Variants in PARD3B observed in about 807,000 individuals in gnomAD.
PARD3B encodes par-3 family cell polarity regulator beta, also known as partitioning defective 3 homolog B.
In PARD3B, 103 loss-of-function variants were observed where a neutral mutation model predicts 130.2. That is an observed-to-expected ratio of 0.79 (90% CI 0.67 to 0.93). The LOEUF is 0.93. Among genes scored for constraint, PARD3B ranks in the 40% least tolerant of loss-of-function variants. PARD3B has a pLI of 0.00. For synonymous variants in PARD3B, 583 were observed against 553.2 expected, an observed-to-expected ratio of 1.05 and a Z score of -0.76; for missense variants, 1,609 against 1,499.2, an observed-to-expected ratio of 1.07 and a Z score of -1.21.
Position 204,866,806 on chromosome 2 carries a change from T to C in PARD3B, c.223-98346T>C, listed in dbSNP as rs567940919. On this transcript the variant is annotated intron_variant, in intron 2 of 22. Coordinates refer to ENST00000406610, the MANE Select transcript of PARD3B (RefSeq NM_001302769.2). ...GTTTGAAATAATGTATTATAAAATA[T>C]TGTCATAATCTCAGCACTTTGGGAG... 4.5e-4 allele frequency among the ~76,000 whole-genome samples: 69 copies of C among 152,076 alleles called. 1 individual carries two copies. In the South Asian group the frequency reaches 0.011, roughly 25 times the overall value.
chr2:204,704,730 A>T (rs2038054448), intron 2 of PARD3B, among the ~76,000 whole-genome samples: 1 of 152,068 alleles, frequency 6.6e-6, no homozygotes, highest in African/African-American at 2.4e-5. Context: ...TCCCCTTTGA[A>T]TCTGAGGGGG....
At chr2:204,802,637 T>A (rs2042612767) in intron 2 of PARD3B, among the ~76,000 whole-genome samples, 1 of 152,150 alleles carries the variant, frequency 6.6e-6, no homozygotes, top group African/African-American at 2.4e-5. Context: ...GTGGCACATA[T>A]ACACCATAGA....
Position 205,173,208 on chromosome 2 carries a change from T to G in PARD3B, c.1791+827T>G, listed in dbSNP as rs1408894910. ...AAATAATATACAAAATTTAAAAAAC[T>G]ATTTAAAAAGCTAATATAAAGTACT... On this transcript the variant is annotated intron_variant, in intron 12 of 22. Coordinates refer to ENST00000406610, the MANE Select transcript of PARD3B (RefSeq NM_001302769.2). 2.6e-5 allele frequency among the ~76,000 whole-genome samples: 4 copies of G among 152,286 alleles called. No individual in the cohort carries two copies. In the East Asian group the frequency reaches 5.8e-4, roughly 22 times the overall value.
intron 4 of PARD3B, among the ~76,000 whole-genome samples, chr2:205,093,445 C>T (rs1702226870): frequency 6.6e-6 from 1 of 152,050 alleles, no homozygotes; most frequent in African/African-American, 2.4e-5. Context: ...TTGCACATGG[C>T]ATGAAAGTGG....
intron 16 of PARD3B, among the ~76,000 whole-genome samples, chr2:205,251,104 GC>G (rs2039828082): frequency 6.6e-6 from 1 of 152,124 alleles, no homozygotes; most frequent in African/African-American, 2.4e-5. Flanking sequence ...CACATATCAA[GC>G]TATCTGATAC....
intron 2 of PARD3B, among the ~76,000 whole-genome samples, chr2:204,909,884 T>G (rs1212720769): frequency 6.6e-6 from 1 of 152,188 alleles, no homozygotes; most frequent in Non-Finnish European, 1.5e-5. Context: ...TTCGAACTAT[T>G]TTTCTCATGG....
chr2:204,656,456 AT>A (rs2035643613), intron 1 of PARD3B, among the ~76,000 whole-genome samples: 2 of 152,176 alleles, frequency 1.3e-5, no homozygotes, highest in Non-Finnish European at 2.9e-5. Context: ...TTTTAGTGTC[AT>A]TTTCCAATCT....
intron 20 of PARD3B, among the ~76,000 whole-genome samples, chr2:205,451,229 G>A (rs1181971351): frequency 2.0e-5 from 3 of 152,196 alleles, no homozygotes; most frequent in Non-Finnish European, 4.4e-5. Context: ...ACCTTCCAGG[G>A]AGAAAGGAGA....
chr2:205,478,916 A>T (rs2106282065), intron 20 of PARD3B, among the ~76,000 whole-genome samples: 1 of 152,336 alleles, frequency 6.6e-6, no homozygotes, highest in East Asian at 1.9e-4. Context: ...AGCCAAGCAC[A>T]TTACTGCTTG....
chr2:205,113,739 T>G (rs970607106), intron 6 of PARD3B, among the ~76,000 whole-genome samples, 162 bp downstream of exon 6: 4 of 152,118 alleles, frequency 2.6e-5, no homozygotes, highest in African/African-American at 9.6e-5. Context: ...GGAAACAAAA[T>G]AAAATAATTG....
At chr2:205,545,234 T>A (rs1322168252) in intron 21 of PARD3B, among the ~76,000 whole-genome samples, 2 of 152,224 alleles carry the variant, frequency 1.3e-5, no homozygotes, top group African/African-American at 4.8e-5. Context: ...ATAGAGCATT[T>A]CCCTTAGTTC....
intron 20 of PARD3B, among the ~76,000 whole-genome samples, chr2:205,488,831 C>T (rs753588645): frequency 1.3e-5 from 2 of 152,090 alleles, no homozygotes; most frequent in African/African-American, 4.8e-5. Flanking sequence ...GCTATTCTGC[C>T]CCCAAGCCTC....
At chr2:204,748,104 G>A (rs1397531629) in intron 2 of PARD3B, among the ~76,000 whole-genome samples, 1 of 152,028 alleles carries the variant, frequency 6.6e-6, no homozygotes, top group East Asian at 1.9e-4. Flanking sequence ...TATCTATCAT[G>A]TAGGCAAATA....
In PARD3B at chr2:204,602,216, A is replaced by G. The variant is rs1053903840; in HGVS notation, c.120+56097A>G. ...GAATAAATGACATATTGCTTGTGCA[A>G]ACACTTTGTTGATCTGCTCAACAAT... On this transcript the variant is annotated intron_variant, in intron 1 of 22. Coordinates refer to ENST00000406610, the MANE Select transcript of PARD3B (RefSeq NM_001302769.2). 3.9e-5 allele frequency among the ~76,000 whole-genome samples: 6 copies of G among 152,060 alleles called. No individual in the cohort carries two copies. The South Asian group carries it at 6.2e-4, about 16-fold the overall frequency.
At chr2:205,573,600 T>C (rs2053636565) in intron 22 of PARD3B, among the ~76,000 whole-genome samples, 1 of 152,242 alleles carries the variant, frequency 6.6e-6, no homozygotes, top group Admixed American at 6.5e-5. Flanking sequence ...AAGAGTATTT[T>C]GCTTTGTTTG....
Position 205,401,073 on chromosome 2 carries a change from T to A in PARD3B, c.2691T>A (p.His897Gln). Residue 897 changes from histidine to glutamine, a missense_variant, in exon 19 of 23, where the codon CAT (histidine) becomes CAA (glutamine). Transcript: ENST00000406610. ...GKAEQKGTLK[H>Q]GGLREEELEK... ...CTGAGCAGAAAGGTACTCTGAAACATGGTGGCCTGAGAGAAGAAGAGCTGG... is the reference window on the plus strand; with the variant it reads ...CTGAGCAGAAAGGTACTCTGAAACAAGGTGGCCTGAGAGAAGAAGAGCTGG... 6.2e-7 allele frequency: 1 copy of A among 1,603,760 alleles called. No individual in the cohort carries two copies.
chr2:205,271,364 C>A (rs996291849), intron 16 of PARD3B, among the ~76,000 whole-genome samples: 3 of 152,140 alleles, frequency 2.0e-5, no homozygotes, highest in African/African-American at 7.2e-5. Context: ...TGGGACACCC[C>A]CATAATCCCC....
At chr2:205,243,477 T>G (rs1011503471) in intron 15 of PARD3B, among the ~76,000 whole-genome samples, 2 of 152,216 alleles carry the variant, frequency 1.3e-5, no homozygotes, top group Non-Finnish European at 2.9e-5. Flanking sequence ...TCAGAAAGAT[T>G]ATTTCTCATC....
At chr2:204,723,941 A>C (rs1339834621) in intron 2 of PARD3B, among the ~76,000 whole-genome samples, 1 of 152,276 alleles carries the variant, frequency 6.6e-6, no homozygotes, top group African/African-American at 2.4e-5. Flanking sequence ...GCAAGTAATA[A>C]ATTTGCTGAT....
Sources: allele counts gnomAD v4.1 joint callset (sites outside exome capture counted in the v4.1 genomes callset), GRCh38; gene constraint gnomAD v4.1.1; transcripts MANE v1.5; gene names NCBI Gene and HGNC (gene_info 2026-07-23, HGNC 2026-07-21).